PALM2AKAP2: variants seen among roughly 807,000 people sequenced by gnomAD.
PALM2AKAP2 encodes the protein PALM2-AKAP2 fusion protein.
A neutral mutation model predicts 71.5 loss-of-function variants in PALM2AKAP2; 37 were observed. That is an observed-to-expected ratio of 0.52 (90% CI 0.40 to 0.68). PALM2AKAP2 has a LOEUF of 0.68. Ranked by LOEUF, PALM2AKAP2 falls within the 30% of genes least tolerant of loss-of-function variation. The pLI is 0.00. For missense variants in PALM2AKAP2, 1,224 were observed against 1,191.8 expected (o/e 1.03, Z -0.40); for synonymous variants, 468 against 478.8 (o/e 0.98, Z 0.29).
intron 1 of PALM2AKAP2, among the ~76,000 whole-genome samples, chr9:109,716,783 G>A (rs1377236640): frequency 6.6e-6 from 1 of 152,338 alleles, no homozygotes; most frequent in African/African-American, 2.4e-5. Context: ...AAAGTCGGAG[G>A]TTGAGACAGA....
chr9:110,055,445 T>G (rs1833815822), intron 1 of PALM2AKAP2, among the ~76,000 whole-genome samples: 2 of 152,154 alleles, frequency 1.3e-5, no homozygotes, highest in South Asian at 4.1e-4. Context: ...TCTGCCCACC[T>G]TGGGCAATCC....
intron 6 of PALM2AKAP2, among the ~76,000 whole-genome samples, chr9:109,974,580 C>G (rs534071244): frequency 6.6e-6 from 1 of 152,276 alleles, no homozygotes; most frequent in East Asian, 1.9e-4. Context: ...ACGCCACTCT[C>G]ACTTCCCTGA....
upstream of PALM2AKAP2, among the ~76,000 whole-genome samples, chr9:109,775,648 C>G (rs533328165): frequency 6.6e-6 from 1 of 152,316 alleles, no homozygotes; most frequent in South Asian, 2.1e-4. Context: ...TCCTGGCATT[C>G]CTTTCAAAAT....
chr9:110,136,902 G>C, exon 2 of PALM2AKAP2: 1 of 1,614,188 alleles, frequency 6.2e-7, no homozygotes, highest in Non-Finnish European at 8.5e-7. Flanking sequence ...GAAAAGGAGA[G>C]GAGAGAGCTC....
intron 1 of PALM2AKAP2, among the ~76,000 whole-genome samples, chr9:109,686,558 T>C (rs1323160338): frequency 6.6e-6 from 1 of 152,234 alleles, no homozygotes; most frequent in Non-Finnish European, 1.5e-5. Flanking sequence ...CTTAAAATAT[T>C]CAGTAAACCA....
Position 110,069,817 on chromosome 9 carries a change from G to A in PALM2AKAP2, c.156+20962G>A, listed in dbSNP as rs538946173. ...GTCCCCGTGGTCAGTCACATGCACC[G>A]GCTTCCGCCTGGTATGATTTATCAG... On this transcript the variant is annotated intron_variant, in intron 1 of 3. Coordinates refer to ENST00000374525, the Ensembl canonical transcript of PALM2AKAP2. 7.7e-4 allele frequency among the ~76,000 whole-genome samples: 117 copies of A among 152,182 alleles called. 6 individuals carry two copies. Among genetic ancestry groups the A allele is most frequent in the South Asian group, 2.1e-4 (1 of 4,824 alleles).
rs552637614 is a variant in PALM2AKAP2 at position 110,031,083 on chromosome 9, A to G, written c.582+15044A>G. On this transcript the variant is annotated intron_variant, in intron 7 of 9. Transcript: ENST00000302798. ...AGGGTAGGGTATTGGATTTGTCATC[A>G]TATTTTCCATCTGCTCACAGATTGT... Among the ~76,000 whole-genome samples the G allele has an allele frequency of 7.2e-5, 11 of 152,296 alleles. No individual in the cohort carries two copies. The East Asian group carries it at 2.1e-3, about 29-fold the overall frequency.
chr9:109,691,324 T>G (rs1282628159), intron 1 of PALM2AKAP2, among the ~76,000 whole-genome samples: 2 of 152,092 alleles, frequency 1.3e-5, no homozygotes, highest in African/African-American at 4.8e-5. Flanking sequence ...TCCTGTCTTT[T>G]TCTTTCCTCT....
At chr9:109,789,831 T>C (rs1210859854) in intron 1 of PALM2AKAP2, among the ~76,000 whole-genome samples, 1 of 152,224 alleles carries the variant, frequency 6.6e-6, no homozygotes, top group African/African-American at 2.4e-5. Context: ...GGTTAATTAT[T>C]ATCTCAGTAT....
intron 1 of PALM2AKAP2, among the ~76,000 whole-genome samples, chr9:109,843,257 G>T (rs1828756160): frequency 1.5e-5 from 2 of 135,768 alleles, no homozygotes; most frequent in East Asian, 4.5e-4. Context: ...AGCTATGATG[G>T]CACTACCGCA....
At chr9:109,982,632 T>A (rs1832297579) in intron 6 of PALM2AKAP2, among the ~76,000 whole-genome samples, 1 of 152,148 alleles carries the variant, frequency 6.6e-6, no homozygotes, top group South Asian at 2.1e-4. Context: ...AAAATTTTTT[T>A]AAAGAGAGAG....
intron 6 of PALM2AKAP2, among the ~76,000 whole-genome samples, chr9:109,970,659 G>A (rs1235240427): frequency 1.3e-5 from 2 of 152,180 alleles, no homozygotes; most frequent in Non-Finnish European, 2.9e-5. Context: ...TTACTGCCTT[G>A]ACCCAGGATG....
chr9:109,808,294 A>G (rs1827634921), intron 1 of PALM2AKAP2, among the ~76,000 whole-genome samples: 1 of 152,232 alleles, frequency 6.6e-6, no homozygotes, highest in Admixed American at 6.5e-5. Context: ...TGATAGTGAT[A>G]TGGACAATAA....
chr9:109,956,325 T>A (rs1266899508), intron 6 of PALM2AKAP2, among the ~76,000 whole-genome samples: 3 of 152,208 alleles, frequency 2.0e-5, no homozygotes, highest in Non-Finnish European at 4.4e-5. Context: ...ACATTTAAGA[T>A]GATAATTGTA....
At chr9:109,950,014 G>A (rs1831597952) in intron 6 of PALM2AKAP2, among the ~76,000 whole-genome samples, 1 of 152,192 alleles carries the variant, frequency 6.6e-6, no homozygotes, top group African/African-American at 2.4e-5. Flanking sequence ...GCCAGACGAG[G>A]TGGCTTATGC....
At chr9:109,941,748 G>T (rs1794607008) in intron 6 of PALM2AKAP2, among the ~76,000 whole-genome samples, 1 of 152,166 alleles carries the variant, frequency 6.6e-6, no homozygotes, top group African/African-American at 2.4e-5. Flanking sequence ...GCTGTCCTTA[G>T]CAACCCCAGA....
chr9:109,823,029 G>C (rs1049815924), intron 1 of PALM2AKAP2, among the ~76,000 whole-genome samples: 5 of 152,112 alleles, frequency 3.3e-5, no homozygotes, highest in African/African-American at 1.2e-4. Context: ...AAATAGGGTT[G>C]CCCCATAGTG....
chr9:109,722,807 T>A (rs1245393453), intron 1 of PALM2AKAP2, among the ~76,000 whole-genome samples: 1 of 152,108 alleles, frequency 6.6e-6, no homozygotes, highest in Non-Finnish European at 1.5e-5. Context: ...CTTTAAATTT[T>A]AAAATTCTTC....
intron 1 of PALM2AKAP2, among the ~76,000 whole-genome samples, chr9:110,067,482 T>C (rs1834106233): frequency 6.6e-6 from 1 of 152,188 alleles, no homozygotes; most frequent in Admixed American, 6.5e-5. Flanking sequence ...TTCAAGGCAA[T>C]TGAATGCATT....
Sources: gnomAD v4.1 joint callset for allele counts (sites outside exome capture counted in the v4.1 genomes callset) on GRCh38, gnomAD v4.1.1 for gene constraint, MANE v1.5 for transcripts, NCBI Gene and HGNC (gene_info 2026-07-23, HGNC 2026-07-21) for gene names.